Variants in CTNNA3 observed in about 807,000 individuals in gnomAD.
CTNNA3 encodes catenin alpha 3.
In CTNNA3, 76 loss-of-function variants were observed where a neutral mutation model predicts 95.7. The observed-to-expected ratio is 0.79, with a 90% CI of 0.66 to 0.96. The LOEUF (loss-of-function observed/expected upper bound fraction) is 0.96. Among genes scored for constraint, CTNNA3 ranks in the 40% least tolerant of loss-of-function variants. The pLI is 0.00. For missense variants in CTNNA3, 1,191 were observed against 1,089.8 expected (o/e 1.09, Z -1.31); for synonymous variants, 431 against 374.4 (o/e 1.15, Z -1.74).
intron 5 of CTNNA3, among the ~76,000 whole-genome samples, chr10:67,359,464 T>C (rs1291249169): frequency 6.6e-6 from 1 of 152,046 alleles, no homozygotes; most frequent in Non-Finnish European, 1.5e-5. Context: ...AAGAAAAAGT[T>C]GAAAGCCAAT....
At chr10:65,927,612 G>A (rs118118957) in intron 17 of CTNNA3, among the ~76,000 whole-genome samples, 1 of 152,152 alleles carries the variant, frequency 6.6e-6, no homozygotes. Context: ...CTTCACGTAT[G>A]TTGCTGCATG....
intron 5 of CTNNA3, among the ~76,000 whole-genome samples, chr10:67,447,508 C>A (rs950184111): frequency 6.6e-6 from 1 of 152,148 alleles, no homozygotes; most frequent in Admixed American, 6.5e-5. Context: ...CTCCTTGTTC[C>A]TTCAAAGAAA....
intron 13 of CTNNA3, among the ~76,000 whole-genome samples, chr10:66,106,846 A>G (rs72793493): frequency 1.3e-5 from 2 of 151,998 alleles, no homozygotes; most frequent in African/African-American, 4.8e-5. Context: ...ATAAGCCACC[A>G]ATGTTTCTGT....
chr10:67,177,931 G>A (rs933236277), intron 7 of CTNNA3, among the ~76,000 whole-genome samples: 16 of 152,096 alleles, frequency 1.1e-4, no homozygotes, highest in African/African-American at 3.9e-4. Flanking sequence ...CAGCTTCAGG[G>A]ACCTGCTACT....
intron 5 of CTNNA3, among the ~76,000 whole-genome samples, chr10:67,360,427 A>C (rs1045646430): frequency 2.0e-5 from 3 of 151,904 alleles, no homozygotes; most frequent in South Asian, 2.1e-4. Context: ...AAAAAAAAAA[A>C]AAAAAAACAA....
At chr10:67,663,563 G>T (rs1414960971) in intron 1 of CTNNA3, among the ~76,000 whole-genome samples, 1 of 152,078 alleles carries the variant, frequency 6.6e-6, no homozygotes, top group Admixed American at 6.5e-5. Flanking sequence ...CGCAGGAGGG[G>T]CAGGCTGGGA....
intron 9 of CTNNA3, among the ~76,000 whole-genome samples, chr10:66,739,954 T>G (rs1849272895): frequency 6.6e-6 from 1 of 152,140 alleles, no homozygotes; most frequent in African/African-American, 2.4e-5. Context: ...AACAAAGCCC[T>G]CCTGAGACAA....
At chr10:67,019,678 T>C (rs1462830130) in intron 7 of CTNNA3, among the ~76,000 whole-genome samples, 3 of 152,216 alleles carry the variant, frequency 2.0e-5, no homozygotes, top group African/African-American at 7.2e-5. Context: ...TCAGGACTCC[T>C]GGAGGTCTCC....
intron 5 of CTNNA3, among the ~76,000 whole-genome samples, chr10:67,303,330 T>C (rs2132504268): frequency 6.6e-6 from 1 of 152,292 alleles, no homozygotes; most frequent in Admixed American, 6.5e-5. Context: ...TAACAAAGTC[T>C]CATTTTCTCC....
Position 66,106,144 on chromosome 10 carries a change from T to G in CTNNA3, c.1885-2895A>C, listed in dbSNP as rs572198398. 1.9e-4 allele frequency among the ~76,000 whole-genome samples: 29 copies of G among 150,886 alleles called. No homozygotes were observed. In the South Asian group the frequency reaches 4.8e-3, roughly 25 times the overall value. Reference sequence around the variant, plus strand: ...ATTGCTTGAATCCAGGCGGCGGAGGTTGCAGCGAGCCGAGATCGCGCCATT... The same window carrying G: ...ATTGCTTGAATCCAGGCGGCGGAGGGTGCAGCGAGCCGAGATCGCGCCATT... On this transcript the variant is annotated intron_variant, in intron 13 of 17. Transcript: ENST00000433211.
chr10:67,067,709 A>G (rs1443171786), intron 7 of CTNNA3, among the ~76,000 whole-genome samples: 2 of 152,252 alleles, frequency 1.3e-5, no homozygotes, highest in African/African-American at 2.4e-5. Context: ...TGGAAAACAT[A>G]GATTCAGACT....
At chr10:67,422,104 GA>G (rs145280862) in intron 5 of CTNNA3, among the ~76,000 whole-genome samples, 5,975 of 152,008 alleles carry the variant, frequency 0.039, 170 homozygotes, top group South Asian at 0.064. Flanking sequence ...GAAACTAAGG[GA>G]AAAAAATTCA....
intron 1 of CTNNA3, among the ~76,000 whole-genome samples, chr10:67,727,499 TATATC>T (rs1841243103): frequency 7.6e-6 from 1 of 131,780 alleles, no homozygotes; most frequent in African/African-American, 2.8e-5. Context: ...TTAAACATAA[TATATC>T]ATATATAACA....
chr10:66,486,486 G>A (rs560128976), intron 11 of CTNNA3, among the ~76,000 whole-genome samples: 1 of 152,160 alleles, frequency 6.6e-6, no homozygotes, highest in African/African-American at 2.4e-5. Flanking sequence ...TCAAAGCCAC[G>A]ATAAGATATT....
chr10:66,995,845 G>A lies in CTNNA3; in HGVS notation c.1047+184472C>T, dbSNP rs373651968. Among the ~76,000 whole-genome samples the A allele has an allele frequency of 3.3e-5, 5 of 152,260 alleles. No homozygotes were observed. The East Asian group carries it at 7.7e-4, about 24-fold the overall frequency. On this transcript the variant is annotated intron_variant, in intron 7 of 17. Coordinates refer to ENST00000433211, the MANE Select transcript of CTNNA3 (RefSeq NM_013266.4). ...TCTACAAACCTTCCTGAAATCCACA[G>A]AGGAAATTATACACTTCCATCTTTG...
intron 5 of CTNNA3, among the ~76,000 whole-genome samples, chr10:67,419,775 C>CAGTACAGT (rs1845681669): frequency 6.6e-6 from 1 of 152,146 alleles, no homozygotes; most frequent in Non-Finnish European, 1.5e-5. Context: ...GTAAAAACAC[C>CAGTACAGT]AGTACAGTAG....
intron 12 of CTNNA3, among the ~76,000 whole-genome samples, chr10:66,314,697 G>A (rs1263210318): frequency 6.6e-6 from 1 of 151,928 alleles, no homozygotes; most frequent in Non-Finnish European, 1.5e-5. Flanking sequence ...CTTCTTCACA[G>A]GTACTAACAT....
intron 5 of CTNNA3, among the ~76,000 whole-genome samples, chr10:67,351,873 T>C (rs1842650550): frequency 6.6e-6 from 1 of 151,956 alleles, no homozygotes; most frequent in Admixed American, 6.6e-5. Context: ...TCTGAAACAC[T>C]CTGACATACT....
chr10:66,519,683 G>T (rs1486154806), intron 11 of CTNNA3, among the ~76,000 whole-genome samples: 1 of 152,052 alleles, frequency 6.6e-6, no homozygotes, highest in Non-Finnish European at 1.5e-5. Context: ...GCTTCAATTT[G>T]TTCCACATTT....
Sources: gnomAD v4.1 joint callset for allele counts (sites outside exome capture counted in the v4.1 genomes callset) on GRCh38, gnomAD v4.1.1 for gene constraint, MANE v1.5 for transcripts, NCBI Gene and HGNC (gene_info 2026-07-23, HGNC 2026-07-21) for gene names.